Variants in SCRIB observed in about 807,000 individuals in gnomAD.
SCRIB encodes the protein scribble planar cell polarity protein.
A neutral mutation model predicts 170.0 loss-of-function variants in SCRIB; 72 were observed. The observed-to-expected ratio is 0.42, with a 90% CI of 0.35 to 0.52. SCRIB has a LOEUF of 0.52. SCRIB is among the 20% of genes least tolerant of loss of function. SCRIB has a pLI of 0.02. For synonymous variants in SCRIB, 1,298 were observed against 1,044.3 expected (o/e 1.24, Z -4.68); for missense variants, 2,475 against 2,338.5 (o/e 1.06, Z -1.20).
At chr8:143,807,387 T>C (rs1453166116) in intron 16 of SCRIB, among the ~76,000 whole-genome samples, 165 bp downstream of exon 16, 1 of 152,126 alleles carries the variant, frequency 6.6e-6, no homozygotes, top group Non-Finnish European at 1.5e-5. Context: ...CAAGACGGGC[T>C]GCCCCAGGCA....
chr8:143,812,392 C>T lies in SCRIB; in HGVS notation c.788-8G>A, dbSNP rs371333180. On this transcript the variant is annotated splice_polypyrimidine_tract_variant and splice_region_variant and intron_variant, in intron 8 of 36. Transcript: ENST00000356994. ...ATAGCTGCTTCAGCTGACCTGGCGT[C>T]GGGGAGACAGGGGGACAAGGCTGAG... The T allele has an allele frequency of 1.2e-5, 19 of 1,598,728 alleles. No homozygotes were observed. The highest frequency in any genetic ancestry group is 1.6e-4 in the Middle Eastern group (1 of 6,066).
In SCRIB at chr8:143,794,989, A is replaced by T. The variant is rs115173845; in HGVS notation, c.3846+49T>A. On this transcript the variant is annotated intron_variant, in intron 27 of 36. Coordinates refer to ENST00000356994, the MANE Select transcript of SCRIB (RefSeq NM_182706.5). Reference sequence around the variant, plus strand: ...GGCGTTTGTCCTGGGGTGGCCGATGAACAGGACAACAGGACGGAGGTGGGG... The same window carrying T: ...GGCGTTTGTCCTGGGGTGGCCGATGTACAGGACAACAGGACGGAGGTGGGG... 1.5e-3 allele frequency: 2,355 copies of T among 1,559,426 alleles called. 28 individuals are homozygous for T. In the African/African-American group the frequency reaches 0.02, roughly 13 times the overall value.
chr8:143,791,260 G>A lies in SCRIB; in HGVS notation c.4871C>T (p.Pro1624Leu). ...TTCAGGGCCCACAGCGCCGGGTGAG[G>A]GCCTGCCCAGAAGCACCAGAGCCAC... ...GEVALVLLGR[P>L]SPGAVGPEDV... is the part of the protein sequence containing the mutation. The change falls in exon 37 of 37, where the codon CCC becomes CTC. Residue 1624 changes from proline (P) to leucine (L), a missense_variant. Transcript: ENST00000356994. 6.6e-7 allele frequency: 1 copy of A among 1,519,602 alleles called. No homozygotes were observed. The allele number at this position is 1,519,602 out of a possible 1,614,324, so 94.1% of individuals were successfully genotyped here. A position where few individuals can be genotyped will look rare whatever the true frequency, so the allele number is the denominator to read the frequency against.
At chr8:143,812,456 C>A in intron 8 of SCRIB, 72 bp from the exon 9 acceptor site, 3 of 1,189,820 alleles carry the variant, frequency 2.5e-6, no homozygotes, top group Non-Finnish European at 3.8e-6. Flanking sequence ...TGGCCAGAAG[C>A]GCCCTCAAGG....
intron 18 of SCRIB, 39 bp downstream of exon 18, chr8:143,806,368 G>A (rs782314766): frequency 3.3e-6 from 5 of 1,506,842 alleles, no homozygotes; most frequent in Middle Eastern, 1.7e-4. Context: ...CCTCCAGAGG[G>A]CACAGCTGCC....
intron 24 of SCRIB, among the ~76,000 whole-genome samples, chr8:143,799,628 C>T (rs1554634647): frequency 3.9e-5 from 6 of 152,120 alleles, no homozygotes; most frequent in Non-Finnish European, 7.4e-5. Flanking sequence ...TCAATCCTCT[C>T]GACCCCGAGA....
At chr8:143,795,013 G>A (rs1373079230) in intron 27 of SCRIB, 25 bp downstream of exon 27, 3 of 1,601,770 alleles carry the variant, frequency 1.9e-6, no homozygotes, top group South Asian at 2.2e-5. Context: ...ACGGAGGTGG[G>A]GGGCACTGCA....
rs1362329858 is a variant in SCRIB, at chr8:143,804,034, G to T, written c.3120+12C>A. The T allele has an allele frequency of 1.3e-6, 2 of 1,599,014 alleles. No individual in the cohort carries two copies. Among genetic ancestry groups the T allele is most frequent in the Non-Finnish European group, 1.7e-6 (2 of 1,170,318 alleles). On this transcript the variant is annotated intron_variant, in intron 22 of 36. Coordinates refer to ENST00000356994, the MANE Select transcript of SCRIB (RefSeq NM_182706.5). ...GCACCTCTCACAGAACCGCCTGGATGGGCCGCCCTACCTTGGAGATGAACA... is the reference window on the plus strand; with the variant it reads ...GCACCTCTCACAGAACCGCCTGGATTGGCCGCCCTACCTTGGAGATGAACA...
In SCRIB at chr8:143,813,352, G is replaced by C; in HGVS notation, c.526C>G (p.Leu176Val). 6.2e-7 allele frequency: 1 copy of C among 1,613,614 alleles called. No individual in the cohort carries two copies. Among genetic ancestry groups the C allele is most frequent in the Non-Finnish European group, 8.5e-7 (1 of 1,180,028 alleles). Residue 176 changes from leucine to valine, a missense_variant, in exon 6 of 37, where the codon CTG becomes GTG. Transcript: ENST00000356994. Reference protein sequence around the residue: ...LPASLSFLVKLEQLDLGGNDL... With the variant: ...LPASLSFLVKVEQLDLGGNDL... ...TTGCCTCCCAGATCCAGCTGTTCCAGCTTGACCAGAAATGACAGGGACCTG... is the reference window on the plus strand; with the variant it reads ...TTGCCTCCCAGATCCAGCTGTTCCACCTTGACCAGAAATGACAGGGACCTG...
intron 9 of SCRIB, among the ~76,000 whole-genome samples, chr8:143,811,839 C>G (rs1815740066): frequency 1.3e-5 from 2 of 152,182 alleles, no homozygotes; most frequent in Admixed American, 1.3e-4. Flanking sequence ...CTCCTGTTTC[C>G]CAGCCTGGGG....
At chr8:143,807,046 G>A (rs1815461450) in intron 16 of SCRIB, 33 bp from the exon 17 acceptor site, 2 of 1,493,642 alleles carry the variant, frequency 1.3e-6, no homozygotes, top group African/African-American at 1.4e-5. Flanking sequence ...GTCTAGAAGG[G>A]CCGCAGTGGG....
Position 143,803,494 on chromosome 8 carries a change from G to T in SCRIB, c.3492C>A (p.Ser1164Arg), listed in dbSNP as rs1554635445. ...CCTCGCCGTGCGTCAGGCCCAGCAG[G>T]CTCTGCTGGTTCACCTCCAACAGCC... ...GLRLLEVNQQ[S>R]LLGLTHGEAV... Residue 1164 changes from serine to arginine, a missense_variant, in exon 24 of 37, where the codon AGC (serine) becomes AGA (arginine). Around this residue, in one of 3 missense-constraint regions of SCRIB, gnomAD observed 1,966 missense variants for 1,742.9 expected, o/e 1.13. Transcript: ENST00000356994. 6.2e-7 allele frequency: 1 copy of T among 1,601,992 alleles called. No homozygotes were observed.
In SCRIB at chr8:143,804,812, T is replaced by C; in HGVS notation, c.2765A>G (p.Asp922Gly). ...GDRVLSINGV[D>G]VTEARHDHAV... ...GTGGTCATGCCTGGCCTCAGTCACG[T>C]CCACTCCATTAATCTGTGAGAGCGT... is the stretch of plus-strand genomic sequence containing the variant. The change falls in exon 21 of 37, where the codon GAC (aspartate) becomes GGC (glycine). Residue 922 changes from aspartate to glycine, a missense_variant. Coordinates refer to ENST00000356994, the MANE Select transcript of SCRIB (RefSeq NM_182706.5). 6.3e-7 allele frequency: 1 copy of C among 1,587,826 alleles called. No homozygotes were observed. Among genetic ancestry groups the C allele is most frequent in the Non-Finnish European group, 8.5e-7 (1 of 1,172,736 alleles).
chr8:143,813,324 T>G lies in SCRIB; in HGVS notation c.554A>C (p.Asp185Ala). The change falls in exon 6 of 37, where the codon GAT becomes GCT. Residue 185 changes from aspartate (D) to alanine (A), a missense_variant. Coordinates refer to ENST00000356994, the MANE Select transcript of SCRIB (RefSeq NM_182706.5). ...GCCTCCACGCACCAGCACTTCCAGA[T>G]CGTTGCCTCCCAGATCCAGCTGTTC... Reference protein sequence around the residue: ...KLEQLDLGGNDLEVLPDTLGA... With the variant: ...KLEQLDLGGNALEVLPDTLGA... 6.2e-7 allele frequency: 1 copy of G among 1,613,506 alleles called. No homozygotes were observed. The highest frequency in any genetic ancestry group is 8.5e-7 in the Non-Finnish European group (1 of 1,180,004).
chr8:143,795,380 C>A (rs782108388), intron 25 of SCRIB, 40 bp downstream of exon 25: 1 of 1,612,536 alleles, frequency 6.2e-7, no homozygotes, highest in South Asian at 1.1e-5. Context: ...CGGCCTCGGG[C>A]TCCCTGGCCC....
intron 34 of SCRIB, 26 bp downstream of exon 34, chr8:143,791,850 G>T: frequency 6.5e-7 from 1 of 1,542,568 alleles, no homozygotes; most frequent in Non-Finnish European, 8.8e-7. Context: ...GGGGGTGAAG[G>T]GAAGGCATAG....
At position 143,815,406 on chromosome 8, in the gene SCRIB, C is replaced by T; in HGVS notation, c.-34G>A. ...TGGGCGGCGCGGGCTCCGGCGGCGG[C>T]GCTCGGCGGGCTCGGGGCCGGGGGG... On this transcript the variant is annotated 5_prime_UTR_variant, in exon 1 of 37. Coordinates refer to ENST00000356994, the MANE Select transcript of SCRIB (RefSeq NM_182706.5). 1.6e-6 allele frequency: 2 copies of T among 1,251,702 alleles called. No individual in the cohort carries two copies. The highest frequency in any genetic ancestry group is 3.0e-5 in the South Asian group (1 of 33,770). 77.5% of individuals were successfully genotyped at this position (1,251,702 alleles called of 1,614,324 possible). A position where few individuals can be genotyped will look rare whatever the true frequency, so the allele number is the denominator to read the frequency against.
At chr8:143,792,671 C>G in intron 30 of SCRIB, 36 bp from the exon 31 acceptor site, 7 of 1,590,978 alleles carry the variant, frequency 4.4e-6, no homozygotes, top group Non-Finnish European at 6.0e-6. Context: ...CCAGACCAGC[C>G]GAGACCCAAC....
chr8:143,806,318 G>A (rs1815422429), intron 18 of SCRIB, 89 bp downstream of exon 18: 3 of 1,050,034 alleles, frequency 2.9e-6, no homozygotes, highest in African/African-American at 1.6e-5. Flanking sequence ...GGGGAGGCCG[G>A]GAGAAGGCAG....
Sources: gnomAD v4.1 joint callset for allele counts (sites outside exome capture counted in the v4.1 genomes callset) on GRCh38, gnomAD v4.1.1 for gene constraint, gnomAD v4.1.1 regional missense constraint, MANE v1.5 for transcripts, NCBI Gene and HGNC (gene_info 2026-07-23, HGNC 2026-07-21) for gene names.